GSE1: variants seen among roughly 807,000 people sequenced by gnomAD.
GSE1 encodes genetic suppressor element 1.
Under a neutral mutation model 112.6 loss-of-function variants are expected in GSE1, and 32 were observed. The ratio of observed to expected loss-of-function variants is 0.28; its 90% CI spans 0.21 to 0.38. The LOEUF is 0.38. GSE1 is among the 10% of genes least tolerant of loss of function. GSE1 has a pLI of 1.00. For missense variants in GSE1, 2,348 were observed against 1,699.2 expected (o/e 1.38, Z -6.71); for synonymous variants, 1,115 against 735.6 (o/e 1.52, Z -8.35).
upstream of GSE1, among the ~76,000 whole-genome samples, chr16:85,608,120 C>A (rs530577317): frequency 2.6e-5 from 4 of 152,088 alleles, no homozygotes; most frequent in Non-Finnish European, 4.4e-5. Flanking sequence ...AGATGTAAGC[C>A]GGGCTTTGAA....
intron 3 of GSE1, among the ~76,000 whole-genome samples, chr16:85,652,044 C>T (rs772715000): frequency 3.3e-5 from 5 of 152,232 alleles, no homozygotes; most frequent in Non-Finnish European, 5.9e-5. Context: ...AATAGCCTCA[C>T]GGGGCTGGGG....
intron 1 of GSE1, among the ~76,000 whole-genome samples, chr16:85,248,719 G>A (rs140677298): frequency 3.9e-5 from 6 of 152,208 alleles, no homozygotes; most frequent in Admixed American, 3.9e-4. Flanking sequence ...AGGGAGGGGG[G>A]TGCTGGCTGG....
chr16:85,660,490 G>T (rs1598651424), intron 8 of GSE1, among the ~76,000 whole-genome samples: 1 of 152,094 alleles, frequency 6.6e-6, no homozygotes, highest in East Asian at 2.0e-4. Flanking sequence ...GGAAAAATTA[G>T]TAGCTGGGCA....
At chr16:85,378,644 C>G (rs532796944) in intron 2 of GSE1, among the ~76,000 whole-genome samples, 5 of 152,330 alleles carry the variant, frequency 3.3e-5, no homozygotes, top group Admixed American at 2.0e-4. Flanking sequence ...ATGAGGCAGG[C>G]ACAGTTGCTG....
chr16:85,403,660 G>T (rs766430399), intron 2 of GSE1, among the ~76,000 whole-genome samples: 2 of 152,038 alleles, frequency 1.3e-5, no homozygotes, highest in Non-Finnish European at 2.9e-5. Context: ...AAATTAGCCG[G>T]GTATGGTAGC....
intron 1 of GSE1, among the ~76,000 whole-genome samples, chr16:85,225,313 C>G (rs1160435396): frequency 6.6e-6 from 1 of 152,238 alleles, no homozygotes; most frequent in Non-Finnish European, 1.5e-5. Context: ...CAGGGTGGAG[C>G]TGGGGCTGGC....
intron 2 of GSE1, among the ~76,000 whole-genome samples, chr16:85,360,587 G>A (rs58109097): frequency 0.043 from 6,586 of 152,218 alleles, 432 homozygotes; most frequent in African/African-American, 0.14. Context: ...GCGGGCGGGC[G>A]CTGTCTCCCG....
chr16:85,650,570 T>C (rs1175543277), intron 3 of GSE1, among the ~76,000 whole-genome samples: 1 of 151,884 alleles, frequency 6.6e-6, no homozygotes, highest in Non-Finnish European at 1.5e-5. Flanking sequence ...CCTCGGAGGG[T>C]CCTTACCGCC....
intron 1 of GSE1, among the ~76,000 whole-genome samples, chr16:85,327,060 C>T (rs889223698): frequency 6.6e-6 from 1 of 152,214 alleles, no homozygotes; most frequent in Non-Finnish European, 1.5e-5. Flanking sequence ...AGTGCGTGCA[C>T]CTACCACAGG....
At chr16:85,624,107 CCT>C (rs1456047573) in intron 1 of GSE1, among the ~76,000 whole-genome samples, 1 of 152,206 alleles carries the variant, frequency 6.6e-6, no homozygotes, top group African/African-American at 2.4e-5. Context: ...GTCTCAGCCT[CCT>C]CTTCCTGCTG....
chr16:85,577,205 G>T (rs565207193), intron 1 of GSE1, among the ~76,000 whole-genome samples: 1 of 152,172 alleles, frequency 6.6e-6, no homozygotes, highest in South Asian at 2.1e-4. Context: ...TCTCCTCTGC[G>T]GTTCTCTTCA....
At chr16:85,319,602 G>C (rs2046057352) in intron 1 of GSE1, among the ~76,000 whole-genome samples, 1 of 152,218 alleles carries the variant, frequency 6.6e-6, no homozygotes, top group African/African-American at 2.4e-5. Flanking sequence ...CCATCTCACA[G>C]ATGAGCATAT....
At chr16:85,503,386 G>A (rs1236610792) in intron 2 of GSE1, among the ~76,000 whole-genome samples, 1 of 152,040 alleles carries the variant, frequency 6.6e-6, no homozygotes, top group Non-Finnish European at 1.5e-5. Flanking sequence ...CTCAGCTGCC[G>A]CTCCTCCTCC....
At chr16:85,371,573 G>A (rs2047302014) in intron 2 of GSE1, among the ~76,000 whole-genome samples, 1 of 152,170 alleles carries the variant, frequency 6.6e-6, no homozygotes, top group African/African-American at 2.4e-5. Context: ...AGGGCCTTGG[G>A]GCCACAGCTG....
intron 1 of GSE1, among the ~76,000 whole-genome samples, chr16:85,333,079 C>T (rs1017367526): frequency 6.6e-6 from 1 of 152,132 alleles, no homozygotes; most frequent in Non-Finnish European, 1.5e-5. Context: ...CTTCTAGAAA[C>T]CCCCAAATCA....
At position 85,440,880 on chromosome 16, in the gene GSE1, G is replaced by A. The variant is rs556669777; in HGVS notation, c.2464+83237G>A. ...TGGCTCAGCCCCGGCCTGGCTTCCC[G>A]AGGACGCGGTCCCACCGGAGTCCTC... On this transcript the variant is annotated intron_variant, in intron 2 of 2. Transcript: ENST00000637419. 6.6e-5 allele frequency among the ~76,000 whole-genome samples: 10 copies of A among 152,312 alleles called. No homozygotes were observed. In the East Asian group the frequency reaches 1.2e-3, roughly 18 times the overall value.
intron 1 of GSE1, among the ~76,000 whole-genome samples, chr16:85,320,441 A>ATGTTTTGTTT (rs112173531): frequency 0.28 from 41,488 of 148,930 alleles, 6,119 homozygotes; most frequent in Admixed American, 0.42. Context: ...TACCCGGCTA[A>ATGTTTTGTTT]TGTTTTGTTT....
intron 1 of GSE1, among the ~76,000 whole-genome samples, chr16:85,327,411 T>G (rs192367772): frequency 6.2e-4 from 94 of 152,304 alleles, no homozygotes; most frequent in African/African-American, 2.3e-3. Context: ...AAGACCAGCC[T>G]GGGCAGCATG....
chr16:85,639,439 C>G (rs1390313511), intron 2 of GSE1, among the ~76,000 whole-genome samples: 2 of 152,232 alleles, frequency 1.3e-5, no homozygotes, highest in African/African-American at 4.8e-5. Flanking sequence ...TGGGTCCCAG[C>G]CCTGTGTCCC....
Sources: gnomAD v4.1 joint callset for allele counts (sites outside exome capture counted in the v4.1 genomes callset) on GRCh38, gnomAD v4.1.1 for gene constraint, MANE v1.5 for transcripts, NCBI Gene and HGNC (gene_info 2026-07-23, HGNC 2026-07-21) for gene names.